Variants in COL23A1 observed in about 807,000 individuals in gnomAD.
The protein encoded by COL23A1 is collagen type XXIII alpha 1 chain.
In COL23A1, 97 loss-of-function variants were observed where a neutral mutation model predicts 99.3. The observed-to-expected ratio is 0.98, with a 90% CI of 0.83 to 1.16. The LOEUF (loss-of-function observed/expected upper bound fraction) is 1.16. Among genes scored for constraint, COL23A1 ranks in the 50% most tolerant of loss-of-function variants. The pLI, the probability that COL23A1 is intolerant of heterozygous loss-of-function variation, is 0.00. For missense variants in COL23A1, 762 were observed against 757.4 expected, an observed-to-expected ratio of 1.01 and a Z score of -0.07; for synonymous variants, 320 against 308.2, an observed-to-expected ratio of 1.04 and a Z score of -0.40.
chr5:178,487,288 TTTTATTTATTTA>T lies in COL23A1; in HGVS notation c.361+73382_361+73393del, dbSNP rs70997604. On this transcript the variant is annotated intron_variant, in intron 2 of 28. Coordinates refer to ENST00000390654, the MANE Select transcript of COL23A1 (RefSeq NM_173465.4). ...AAGGCAGTCATGGTACCAGCCTCAGTTTTATTTATTTATTTATTTATTTATTTATTTATTTAT... is the reference window on the plus strand; with the variant it reads ...AAGGCAGTCATGGTACCAGCCTCAGTTTTATTTATTTATTTATTTATTTAT... Among the ~76,000 whole-genome samples, 931 of 116,498 alleles carry T rather than the reference TTTTATTTATTTA, an allele frequency of 8.0e-3. 6 individuals carry two copies. Among genetic ancestry groups the T allele is most frequent in the African/African-American group, 0.026 (811 of 30,886 alleles). The allele number at this position is 116,498 out of a possible 152,430, so 76.4% of individuals were successfully genotyped here.
At chr5:178,259,103 G>C (rs759425702) in intron 12 of COL23A1, among the ~76,000 whole-genome samples, 13 of 151,690 alleles carry the variant, frequency 8.6e-5, no homozygotes, top group Non-Finnish European at 1.3e-4. Flanking sequence ...GGATTTTTAG[G>C]AGAGATGGGG....
intron 1 of COL23A1, among the ~76,000 whole-genome samples, chr5:178,582,975 C>A (rs921240461): frequency 4.6e-5 from 7 of 152,240 alleles, no homozygotes; most frequent in Non-Finnish European, 2.9e-5. Flanking sequence ...TCCCTTCTTC[C>A]CAGGCAGGCT....
chr5:178,242,225 T>C (rs1040770606), intron 26 of COL23A1, 97 bp from the exon 27 acceptor site: 21 of 1,463,136 alleles, frequency 1.4e-5, no homozygotes, highest in Non-Finnish European at 1.9e-5. Flanking sequence ...AGCCTCCCCC[T>C]GCCTCCGCCC....
At chr5:178,282,579 C>G (rs555538261) in intron 5 of COL23A1, among the ~76,000 whole-genome samples, 1 of 152,312 alleles carries the variant, frequency 6.6e-6, no homozygotes, top group East Asian at 1.9e-4. Flanking sequence ...CTAATCCAGG[C>G]TTTGGCATGC....
chr5:178,572,074 A>C (rs1322231228), intron 1 of COL23A1, among the ~76,000 whole-genome samples: 1 of 147,946 alleles, frequency 6.8e-6, no homozygotes, highest in Non-Finnish European at 1.5e-5. Flanking sequence ...TCTCAAAACA[A>C]AAAAAAAAAA....
chr5:178,285,331 AAG>A (rs1216884278), intron 5 of COL23A1, among the ~76,000 whole-genome samples: 1 of 152,244 alleles, frequency 6.6e-6, no homozygotes, highest in African/African-American at 2.4e-5. Context: ...TATTGGCACA[AAG>A]AGAAAAAAGT....
intron 2 of COL23A1, among the ~76,000 whole-genome samples, chr5:178,546,583 C>T (rs556816483): frequency 4.3e-4 from 66 of 152,300 alleles, no homozygotes; most frequent in African/African-American, 1.5e-3. Flanking sequence ...TGCGGTGACG[C>T]GCCACTAACA....
At chr5:178,249,716 A>ACACACACACTCTCTCT in intron 18 of COL23A1, among the ~76,000 whole-genome samples, 53 of 92,804 alleles carry the variant, frequency 5.7e-4, no homozygotes, top group African/African-American at 2.2e-3. Context: ...ACACACACAC[A>ACACACACACTCTCTCT]CTCTCTCTCT....
At chr5:178,519,599 A>G (rs1164669270) in intron 2 of COL23A1, among the ~76,000 whole-genome samples, 1 of 152,228 alleles carries the variant, frequency 6.6e-6, no homozygotes, top group African/African-American at 2.4e-5. Context: ...TTTTTGAGAC[A>G]TTTTCCTAGC....
chr5:178,240,342 G>T (rs955560373), intron 27 of COL23A1, among the ~76,000 whole-genome samples: 1 of 151,914 alleles, frequency 6.6e-6, no homozygotes, highest in Non-Finnish European at 1.5e-5. Context: ...AGGTGGGGAG[G>T]GGGGCAGAAT....
At chr5:178,470,828 G>A (rs1160781110) in intron 2 of COL23A1, among the ~76,000 whole-genome samples, 4 of 152,218 alleles carry the variant, frequency 2.6e-5, no homozygotes, top group African/African-American at 7.2e-5. Flanking sequence ...CCACTGAGCG[G>A]CCGTTCATGC....
chr5:178,247,684 C>T, intron 21 of COL23A1, 91 bp downstream of exon 21: 5 of 1,549,256 alleles, frequency 3.2e-6, no homozygotes, highest in Admixed American at 1.7e-5. Context: ...GAAGCCCGCT[C>T]TCTCCTGGGT....
intron 2 of COL23A1, among the ~76,000 whole-genome samples, chr5:178,394,162 G>C (rs1242248058): frequency 6.6e-6 from 1 of 152,194 alleles, no homozygotes; most frequent in Non-Finnish European, 1.5e-5. Context: ...GAGGCCCAGG[G>C]CTCCAGCACA....
intron 2 of COL23A1, among the ~76,000 whole-genome samples, chr5:178,550,203 A>C (rs1761928582): frequency 6.6e-6 from 1 of 152,206 alleles, no homozygotes; most frequent in African/African-American, 2.4e-5. Context: ...TTTTGCCCAA[A>C]TATGTAAACT....
intron 3 of COL23A1, among the ~76,000 whole-genome samples, chr5:178,294,498 C>T (rs2127591067): frequency 1.4e-5 from 2 of 140,842 alleles, no homozygotes; most frequent in Middle Eastern, 7.0e-3. Flanking sequence ...CAAATCACTA[C>T]CGAGCTCCCT....
intron 2 of COL23A1, among the ~76,000 whole-genome samples, chr5:178,351,750 C>G (rs898405202): frequency 6.6e-6 from 1 of 152,142 alleles, no homozygotes; most frequent in Non-Finnish European, 1.5e-5. Flanking sequence ...ATTGTGCCCC[C>G]CCAGTTTATA....
chr5:178,401,279 C>A (rs1301212205), intron 2 of COL23A1, among the ~76,000 whole-genome samples: 11 of 152,198 alleles, frequency 7.2e-5, no homozygotes, highest in Non-Finnish European at 1.5e-4. Flanking sequence ...CATTTGTATC[C>A]TCTGGCTATT....
At position 178,258,262 on chromosome 5, in the gene COL23A1, T is replaced by TATATATATATATATATAC; in HGVS notation, c.730-696_730-695insGTATATATATATATATAT. Among the ~76,000 whole-genome samples, 414 of 104,034 alleles carry TATATATATATATATATAC rather than the reference T, an allele frequency of 4.0e-3. 28 individuals are homozygous for TATATATATATATATATAC. Among genetic ancestry groups the TATATATATATATATATAC allele is most frequent in the Non-Finnish European group, 6.7e-3 (298 of 44,784 alleles). The allele number at this position is 104,034 out of a possible 152,430, so 68.3% of individuals were successfully genotyped here. A position where few individuals can be genotyped will look rare whatever the true frequency, so the allele number is the denominator to read the frequency against. On this transcript the variant is annotated intron_variant, in intron 12 of 28. Transcript: ENST00000390654. ...ATATATATATATATATATATATATA[T>TATATATATATATATATAC]ACACATGCAAATCAATTCTAGGCAC... is the stretch of plus-strand genomic sequence containing the variant.
intron 1 of COL23A1, among the ~76,000 whole-genome samples, chr5:178,575,726 A>T (rs180871104): frequency 6.6e-6 from 1 of 152,304 alleles, no homozygotes; most frequent in Non-Finnish European, 1.5e-5. Context: ...GAGAGCAGAA[A>T]CAGAACGCAG....
Sources: gnomAD v4.1 joint callset for allele counts (sites outside exome capture counted in the v4.1 genomes callset) on GRCh38, gnomAD v4.1.1 for gene constraint, MANE v1.5 for transcripts, NCBI Gene and HGNC (gene_info 2026-07-23, HGNC 2026-07-21) for gene names.